ZNF704: variants seen among roughly 807,000 people sequenced by gnomAD.
ZNF704 encodes the protein zinc finger protein 704.
ZNF704 carries 10 observed loss-of-function variants against 44.7 expected under a neutral mutation model. That is an observed-to-expected ratio of 0.22 (90% CI 0.14 to 0.38). The LOEUF (loss-of-function observed/expected upper bound fraction) is 0.38, where lower values mean the gene tolerates loss of function less well. Ranked by LOEUF, ZNF704 falls within the 10% of genes least tolerant of loss-of-function variation. The pLI, the probability that ZNF704 is intolerant of heterozygous loss-of-function variation, is 1.00. For synonymous variants in ZNF704, 211 were observed against 207.6 expected, an observed-to-expected ratio of 1.02 and a Z score of -0.14; for missense variants, 390 against 545.5, an observed-to-expected ratio of 0.71 and a Z score of 2.84.
upstream of ZNF704, among the ~76,000 whole-genome samples, chr8:80,878,527 A>T (rs980931776): frequency 2.0e-5 from 3 of 152,336 alleles, no homozygotes; most frequent in Middle Eastern, 3.4e-3. Context: ...TTATTTTAAA[A>T]GTAAAAGTAA....
chr8:80,665,602 C>T (rs1024729577), intron 5 of ZNF704, among the ~76,000 whole-genome samples: 1 of 152,132 alleles, frequency 6.6e-6, no homozygotes, highest in Non-Finnish European at 1.5e-5. Flanking sequence ...GCTGGTTACA[C>T]TAAAAGCCCA....
In ZNF704 at chr8:80,637,766, A is replaced by G. The variant is rs555603809; in HGVS notation, c.*3600T>C. On this transcript the variant is annotated 3_prime_UTR_variant, in exon 9 of 9. Transcript: ENST00000327835. ...TGACAGGCACTTTGCAGCTAAGCGC[A>G]CACATTCTTGGTCAGAAACCCACAG... The G allele has an allele frequency of 6.6e-6, 1 of 152,372 alleles. No individual in the cohort carries two copies. The highest frequency in any genetic ancestry group is 1.9e-4 in the East Asian group (1 of 5,194). 9.4% of individuals were successfully genotyped at this position (152,372 alleles called of 1,614,324 possible).
chr8:80,879,044 A>G (rs528486673), upstream of ZNF704, among the ~76,000 whole-genome samples: 14 of 152,334 alleles, frequency 9.2e-5, no homozygotes, highest in African/African-American at 3.1e-4. Context: ...ATGGAACACT[A>G]GTTAAGTCCC....
intron 2 of ZNF704, among the ~76,000 whole-genome samples, chr8:80,763,190 C>T (rs1807160855): frequency 6.6e-6 from 1 of 152,230 alleles, no homozygotes; most frequent in Non-Finnish European, 1.5e-5. Flanking sequence ...TGGCTCTCTT[C>T]TCACAGCTCC....
intron 2 of ZNF704, 135 bp from the exon 3 acceptor site, chr8:80,693,242 T>A: frequency 1.4e-6 from 1 of 723,720 alleles, no homozygotes; most frequent in East Asian, 2.7e-5. Context: ...AGCTTTATTT[T>A]ATAGATGAGG....
intron 2 of ZNF704, among the ~76,000 whole-genome samples, chr8:80,803,493 C>T (rs552260641): frequency 2.0e-5 from 3 of 152,232 alleles, no homozygotes; most frequent in Non-Finnish European, 2.9e-5. Context: ...GATACATAGA[C>T]CAGTGGAACA....
chr8:80,790,132 TATCC>T (rs1351084967), intron 2 of ZNF704, among the ~76,000 whole-genome samples: 1 of 152,202 alleles, frequency 6.6e-6, no homozygotes, highest in African/African-American at 2.4e-5. Flanking sequence ...TGTGCATCAG[TATCC>T]TCCGGGTTAG....
chr8:80,742,007 C>T (rs1806766197), intron 2 of ZNF704, among the ~76,000 whole-genome samples: 1 of 152,138 alleles, frequency 6.6e-6, no homozygotes, highest in Non-Finnish European at 1.5e-5. Context: ...CCTCCATGCC[C>T]ACACAGCAAT....
intron 2 of ZNF704, among the ~76,000 whole-genome samples, chr8:80,811,702 C>G (rs796780255): frequency 6.6e-6 from 1 of 152,188 alleles, no homozygotes; most frequent in Non-Finnish European, 1.5e-5. Flanking sequence ...TCTTACGCAG[C>G]CTTACATTTC....
intron 4 of ZNF704, among the ~76,000 whole-genome samples, chr8:80,681,947 A>G (rs1048786768): frequency 1.3e-5 from 2 of 152,184 alleles, no homozygotes; most frequent in African/African-American, 2.4e-5. Flanking sequence ...AATTTTCTCT[A>G]TGAGGCCAAT....
chr8:80,781,235 C>T (rs1221927654), intron 2 of ZNF704, among the ~76,000 whole-genome samples: 1 of 152,142 alleles, frequency 6.6e-6, no homozygotes, highest in African/African-American at 2.4e-5. Flanking sequence ...GTTTCTAAAC[C>T]ATCCCATTAA....
At chr8:80,814,207 A>G (rs1454884432) in intron 2 of ZNF704, 1 of 152,204 alleles carries the variant, frequency 6.6e-6, no homozygotes, top group African/African-American at 2.4e-5. Context: ...AAGTCTTTCA[A>G]ACTGAGTTCT....
At chr8:80,763,236 C>T (rs2131721810) in intron 2 of ZNF704, among the ~76,000 whole-genome samples, 1 of 152,338 alleles carries the variant, frequency 6.6e-6, no homozygotes, top group East Asian at 1.9e-4. Flanking sequence ...CTGGTGGGGG[C>T]TCCAACCCCA....
At chr8:80,796,764 G>A (rs1281176309) in intron 2 of ZNF704, among the ~76,000 whole-genome samples, 2 of 151,906 alleles carry the variant, frequency 1.3e-5, no homozygotes, top group African/African-American at 4.8e-5. Flanking sequence ...GGAAGGCCAA[G>A]GCAAAAGGAT....
At chr8:80,715,759 G>A (rs893461944) in intron 2 of ZNF704, among the ~76,000 whole-genome samples, 6 of 152,134 alleles carry the variant, frequency 3.9e-5, no homozygotes, top group South Asian at 4.1e-4. Flanking sequence ...CTCTCCAGGA[G>A]ACTCTAATAC....
chr8:80,765,657 G>C (rs746146590), intron 2 of ZNF704, among the ~76,000 whole-genome samples: 16 of 152,102 alleles, frequency 1.1e-4, no homozygotes, highest in Non-Finnish European at 1.9e-4. Context: ...TCTTGCAATT[G>C]TGATTTTTGG....
At chr8:80,870,978 T>A (rs1809242347) in intron 1 of ZNF704, among the ~76,000 whole-genome samples, 1 of 152,216 alleles carries the variant, frequency 6.6e-6, no homozygotes, top group African/African-American at 2.4e-5. Context: ...AACATTTACA[T>A]CATGGTCTCA....
At chr8:80,792,086 T>C (rs900038246) in intron 2 of ZNF704, among the ~76,000 whole-genome samples, 1 of 151,700 alleles carries the variant, frequency 6.6e-6, no homozygotes, top group Non-Finnish European at 1.5e-5. Flanking sequence ...AAGTAAAGAA[T>C]AGAGACAGAA....
In ZNF704 at chr8:80,635,177, T is replaced by C. The variant is rs866317466; in HGVS notation, c.*6189A>G. The C allele has an allele frequency of 1.2e-4, 19 of 152,222 alleles. No homozygotes were observed. The highest frequency in any genetic ancestry group is 7.2e-5 in the African/African-American group (3 of 41,462). 9.4% of individuals were successfully genotyped at this position (152,222 alleles called of 1,614,324 possible). A position where few individuals can be genotyped will look rare whatever the true frequency, so the allele number is the denominator to read the frequency against. On this transcript the variant is annotated 3_prime_UTR_variant, in exon 9 of 9. Coordinates refer to ENST00000327835, the MANE Select transcript of ZNF704 (RefSeq NM_001033723.3). The stretch of plus-strand genomic sequence containing the variant: ...CTAAAATCTTAGAAAGAAAAGGTGC[T>C]TTCTTGTTTTAACAGTGAGTGGGCT...
Sources: gnomAD v4.1 joint callset for allele counts (sites outside exome capture counted in the v4.1 genomes callset) on GRCh38, gnomAD v4.1.1 for gene constraint, MANE v1.5 for transcripts, NCBI Gene and HGNC (gene_info 2026-07-23, HGNC 2026-07-21) for gene names.